Variants in GEMIN5 observed in about 807,000 individuals in gnomAD.
GEMIN5 encodes gem-associated protein 5.
GEMIN5 carries 124 observed loss-of-function variants against 176.9 expected under a neutral mutation model. That is an observed-to-expected ratio of 0.70 (90% CI 0.61 to 0.81). The LOEUF is 0.81. Among genes scored for constraint, GEMIN5 ranks in the 40% least tolerant of loss-of-function variants. The pLI is 0.00. For missense variants in GEMIN5, 1,843 were observed against 1,814.6 expected (o/e 1.02, Z -0.28); for synonymous variants, 673 against 665.2 (o/e 1.01, Z -0.18).
chr5:154,931,304 T>TACCTTTAG (rs1764156193), intron 5 of GEMIN5, among the ~76,000 whole-genome samples, 154 bp downstream of exon 5: 1 of 152,222 alleles, frequency 6.6e-6, no homozygotes, highest in South Asian at 2.1e-4. Context: ...ATAGAGAGTC[T>TACCTTTAG]AGGCCAGGCT....
chr5:154,907,050 T>C (rs1763581951), intron 16 of GEMIN5, among the ~76,000 whole-genome samples: 1 of 152,200 alleles, frequency 6.6e-6, no homozygotes, highest in Admixed American at 6.5e-5. Context: ...AGAACACTGT[T>C]TTGTGAGACA....
Position 154,891,624 on chromosome 5 carries a change from GGAGA to G in GEMIN5, c.3875_3878del (p.Leu1292ProfsTer11). ...AGACACTGGAATTTGGGCAAGGTCT[GGAGA>G]GAGACCACCAGAATTCATACAGACG... On this transcript the variant is annotated frameshift_variant, in exon 26 of 28. Transcript: ENST00000285873. LOFTEE classifies it high-confidence loss of function. 25 of 1,614,142 alleles carry G rather than the reference GGAGA, an allele frequency of 1.5e-5. No homozygotes were observed. Among genetic ancestry groups the G allele is most frequent in the Non-Finnish European group, 2.1e-5 (25 of 1,180,032 alleles).
intron 3 of GEMIN5, among the ~76,000 whole-genome samples, chr5:154,933,312 A>G (rs2113515164): frequency 6.6e-6 from 1 of 152,340 alleles, no homozygotes; most frequent in Middle Eastern, 3.4e-3. Context: ...AAATGCTATC[A>G]TCTATTTTCC....
At position 154,887,990 on chromosome 5, in the gene GEMIN5, T is replaced by C. The variant is rs1763144160; in HGVS notation, c.*220A>G. On this transcript the variant is annotated 3_prime_UTR_variant, in exon 28 of 28. Coordinates refer to ENST00000285873, the MANE Select transcript of GEMIN5 (RefSeq NM_015465.5). ...CTGAATAACTACTGTGGGCTTTTCA[T>C]GATCTTCCCTCCAGTAGGAGACCAC... 1.9e-6 allele frequency: 1 copy of C among 526,268 alleles called. No homozygotes were observed. The highest frequency in any genetic ancestry group is 1.9e-5 in the African/African-American group (1 of 52,174). 32.6% of individuals were successfully genotyped at this position (526,268 alleles called of 1,614,324 possible). A position where few individuals can be genotyped will look rare whatever the true frequency, so the allele number is the denominator to read the frequency against.
chr5:154,934,636 C>T (rs1038070031), intron 3 of GEMIN5, among the ~76,000 whole-genome samples: 6 of 152,200 alleles, frequency 3.9e-5, no homozygotes, highest in Admixed American at 1.3e-4. Context: ...TAAAAATACC[C>T]GTACGCCCCG....
At chr5:154,905,497 G>GAA in intron 16 of GEMIN5, 21 bp from the exon 17 acceptor site, 2 of 1,147,818 alleles carry the variant, frequency 1.7e-6, no homozygotes, top group South Asian at 1.4e-5. Context: ...GGGGAAAAAG[G>GAA]AAAAAAAAAG....
intron 5 of GEMIN5, among the ~76,000 whole-genome samples, chr5:154,930,805 T>C (rs1375190389): frequency 6.6e-6 from 1 of 152,106 alleles, no homozygotes; most frequent in Non-Finnish European, 1.5e-5. Context: ...ATGGCAAATG[T>C]TATATTTTCC....
intron 7 of GEMIN5, 67 bp downstream of exon 7, chr5:154,927,318 G>A: frequency 1.0e-6 from 1 of 999,612 alleles, no homozygotes; most frequent in Non-Finnish European, 1.5e-6. Flanking sequence ...CTTTGAAAAA[G>A]CCCTCTCATC....
chr5:154,892,490 G>C lies in GEMIN5; in HGVS notation c.3657C>G (p.Ser1219=). 6.2e-7 allele frequency: 1 copy of C among 1,614,172 alleles called. No individual in the cohort carries two copies. Among genetic ancestry groups the C allele is most frequent in the Non-Finnish European group, 8.5e-7 (1 of 1,179,986 alleles). Residue 1219 remains serine, a synonymous_variant, in exon 25 of 28, where the codon TCC becomes TCG. Transcript: ENST00000285873. ...TLAVLSQQMA[S]WDEAVQALLR... The stretch of plus-strand genomic sequence containing the variant: ...GGAGCGCCTGCACAGCCTCGTCCCA[G>C]GAGGCCATCTGTTGGCTCAGCACTG...
Position 154,911,753 on chromosome 5 carries a change from A to G in GEMIN5, c.2141T>C (p.Met714Thr). Residue 714 changes from methionine to threonine, a missense_variant, in exon 15 of 28, where the codon ATG (methionine) becomes ACG (threonine). Coordinates refer to ENST00000285873, the MANE Select transcript of GEMIN5 (RefSeq NM_015465.5). Reference sequence around the variant, plus strand: ...TTGAGGAGGCCGGGAATGATCTTGCATGGAAGTGAGCCACTTGTGCACACA... The same window carrying G: ...TTGAGGAGGCCGGGAATGATCTTGCGTGGAAGTGAGCCACTTGTGCACACA... Reference protein sequence around the residue: ...DFCVHKWLTSMQDHSRPPQGK... With the variant: ...DFCVHKWLTSTQDHSRPPQGK... The G allele has an allele frequency of 6.2e-7, 1 of 1,614,060 alleles. No individual in the cohort carries two copies. The highest frequency in any genetic ancestry group is 2.2e-5 in the East Asian group (1 of 44,886).
intron 24 of GEMIN5, among the ~76,000 whole-genome samples, chr5:154,892,957 C>A (rs374899170): frequency 3.3e-5 from 5 of 151,992 alleles, no homozygotes; most frequent in African/African-American, 1.2e-4. Context: ...ATTAGCCAGG[C>A]ATGATGGCGC....
intron 3 of GEMIN5, among the ~76,000 whole-genome samples, chr5:154,933,818 A>C (rs1049732069): frequency 1.3e-5 from 2 of 150,872 alleles, no homozygotes; most frequent in Non-Finnish European, 2.9e-5. Context: ...TCTGGGAATA[A>C]TACTATTCTG....
intron 3 of GEMIN5, among the ~76,000 whole-genome samples, chr5:154,935,357 G>A (rs183804822): frequency 3.3e-5 from 5 of 152,286 alleles, no homozygotes; most frequent in African/African-American, 1.2e-4. Context: ...ACATCTTTCA[G>A]TGAGAAGTAC....
chr5:154,910,421 G>C (rs1437145967), intron 15 of GEMIN5, among the ~76,000 whole-genome samples: 1 of 152,140 alleles, frequency 6.6e-6, no homozygotes, highest in Non-Finnish European at 1.5e-5. Flanking sequence ...AAAGTGTTGG[G>C]ATTATAGGAG....
chr5:154,892,487 C>T lies in GEMIN5; in HGVS notation c.3660G>A (p.Trp1220Ter). 6.2e-7 allele frequency: 1 copy of T among 1,614,138 alleles called. No homozygotes were observed. The highest frequency in any genetic ancestry group is 8.5e-7 in the Non-Finnish European group (1 of 1,179,980). Residue 1220 changes from tryptophan to a stop codon, truncating the protein, a stop_gained, in exon 25 of 28, where the codon TGG becomes TGA. Transcript: ENST00000285873. LOFTEE classifies it high-confidence loss of function. ...LAVLSQQMAS[W>*]DEAVQALLRA... ...GAAGGAGCGCCTGCACAGCCTCGTCCCAGGAGGCCATCTGTTGGCTCAGCA... is the reference window on the plus strand; with the variant it reads ...GAAGGAGCGCCTGCACAGCCTCGTCTCAGGAGGCCATCTGTTGGCTCAGCA...
At chr5:154,897,910 T>TTG (rs1554101174) in intron 23 of GEMIN5, among the ~76,000 whole-genome samples, 1 of 104,632 alleles carries the variant, frequency 9.6e-6, no homozygotes, top group East Asian at 2.8e-4. Flanking sequence ...GTGTTTTTTT[T>TTG]TGTGTTTTTT....
Position 154,899,614 on chromosome 5 carries a change from T to C in GEMIN5, c.3015-304A>G, listed in dbSNP as rs1036621848. 1.6e-4 allele frequency among the ~76,000 whole-genome samples: 5 copies of C among 32,148 alleles called. No individual in the cohort carries two copies. In the Admixed American group the frequency reaches 2.3e-3, roughly 15 times the overall value. 21.1% of individuals were successfully genotyped at this position (32,148 alleles called of 152,430 possible). On this transcript the variant is annotated intron_variant, in intron 21 of 27. Transcript: ENST00000285873. ...ATGCTAAGAGTCAGTTATGTGCTTT[T>C]TTATTAAAAAAAAAAAAATGTGTTG...
At chr5:154,911,699 A>G (rs894738604) in intron 15 of GEMIN5, 28 bp downstream of exon 15, 6 of 1,581,516 alleles carry the variant, frequency 3.8e-6, no homozygotes, top group Non-Finnish European at 5.2e-6. Context: ...GAGAAAAAGA[A>G]TTAGATAAGC....
At chr5:154,898,197 G>A (rs903937560) in intron 23 of GEMIN5, among the ~76,000 whole-genome samples, 2 of 152,142 alleles carry the variant, frequency 1.3e-5, no homozygotes, top group Non-Finnish European at 2.9e-5. Flanking sequence ...CACTGTGCCC[G>A]GCTCACAGGT....
Sources: allele counts gnomAD v4.1 joint callset (sites outside exome capture counted in the v4.1 genomes callset), GRCh38; gene constraint gnomAD v4.1.1; transcripts MANE v1.5; gene names NCBI Gene and HGNC (gene_info 2026-07-23, HGNC 2026-07-21).